CSMD1: variants seen among roughly 807,000 people sequenced by gnomAD.
CSMD1 encodes the protein CUB and Sushi multiple domains 1.
A neutral mutation model predicts 417.5 loss-of-function variants in CSMD1; 213 were observed. The observed-to-expected ratio is 0.51, with a 90% CI of 0.46 to 0.57. The LOEUF (loss-of-function observed/expected upper bound fraction) is 0.57. Among genes scored for constraint, CSMD1 ranks in the 20% least tolerant of loss-of-function variants. CSMD1 has a pLI of 0.00. For missense variants in CSMD1, 6,923 were observed against 4,529.7 expected, an observed-to-expected ratio of 1.53 and a Z score of -15.17; for synonymous variants, 2,862 against 1,736.8, an observed-to-expected ratio of 1.65 and a Z score of -16.11.
chr8:3,379,213 G>T (rs1031777652), intron 18 of CSMD1, among the ~76,000 whole-genome samples: 3 of 152,136 alleles, frequency 2.0e-5, no homozygotes, highest in Admixed American at 2.0e-4. Context: ...TCTCTTCAAG[G>T]AGAACTACAA....
chr8:3,946,249 G>C (rs573472587), intron 5 of CSMD1, among the ~76,000 whole-genome samples: 1 of 152,062 alleles, frequency 6.6e-6, no homozygotes, highest in Non-Finnish European at 1.5e-5. Flanking sequence ...TCTTGATATT[G>C]TAATTTCCAT....
intron 1 of CSMD1, among the ~76,000 whole-genome samples, chr8:4,829,840 C>T (rs1800045454): frequency 6.6e-6 from 1 of 151,956 alleles, no homozygotes; most frequent in South Asian, 2.1e-4. Context: ...ATCGCTTTAC[C>T]TTGGGGACAA....
At chr8:3,976,004 T>G (rs1813409565) in intron 5 of CSMD1, among the ~76,000 whole-genome samples, 1 of 152,264 alleles carries the variant, frequency 6.6e-6, no homozygotes, top group Non-Finnish European at 1.5e-5. Context: ...ATTTAAAATA[T>G]TATGATCCTG....
At chr8:4,825,549 T>C (rs1412731789) in intron 1 of CSMD1, among the ~76,000 whole-genome samples, 2 of 151,638 alleles carry the variant, frequency 1.3e-5, no homozygotes, top group African/African-American at 4.8e-5. Context: ...TCTGCTTATA[T>C]GTGTGTGGCT....
In CSMD1 at chr8:3,349,404, T is replaced by G. The variant is rs184555990; in HGVS notation, c.3305-1243A>C. On this transcript the variant is annotated intron_variant, in intron 21 of 69. Transcript: ENST00000635120. ...ATTGCCCCCCAGTGATTTGTGCACG[T>G]TGAATCTCAGAATGCCTCCATGTGG... Among the ~76,000 whole-genome samples the G allele has an allele frequency of 5.3e-5, 8 of 152,164 alleles. No individual in the cohort carries two copies. The East Asian group carries it at 1.5e-3, about 29-fold the overall frequency.
At chr8:3,515,081 A>C (rs537029953) in intron 10 of CSMD1, among the ~76,000 whole-genome samples, 1 of 152,222 alleles carries the variant, frequency 6.6e-6, no homozygotes, top group Non-Finnish European at 1.5e-5. Context: ...TAATACAGTT[A>C]ATGAACATTT....
intron 27 of CSMD1, among the ~76,000 whole-genome samples, chr8:3,228,755 C>T (rs570594394): frequency 6.6e-6 from 1 of 151,334 alleles, no homozygotes. Context: ...TATTCCTCCA[C>T]GAGCCTAAAA....
intron 3 of CSMD1, among the ~76,000 whole-genome samples, chr8:4,037,046 C>A (rs2740917): frequency 0.35 from 53,410 of 151,522 alleles, 10,056 homozygotes; most frequent in African/African-American, 0.48. Context: ...CCACCTGGCA[C>A]CCGGAGCTGC....
chr8:4,135,342 GAAGGAA>G (rs376507422), intron 3 of CSMD1, among the ~76,000 whole-genome samples: 78,879 of 139,558 alleles, frequency 0.57, 23,293 homozygotes, highest in East Asian at 0.69. Flanking sequence ...GGGAAAGAAG[GAAGGAA>G]GGGAAAGGAG....
chr8:4,230,645 T>G (rs764531140), intron 3 of CSMD1, among the ~76,000 whole-genome samples: 1 of 152,194 alleles, frequency 6.6e-6, no homozygotes, highest in African/African-American at 2.4e-5. Flanking sequence ...GACTACCAAG[T>G]AGCTCATAAT....
At chr8:4,394,837 C>T (rs1164174727) in intron 3 of CSMD1, among the ~76,000 whole-genome samples, 1 of 152,094 alleles carries the variant, frequency 6.6e-6, no homozygotes, top group African/African-American at 2.4e-5. Context: ...TTTCATGGTC[C>T]TTTGTGCTTC....
At chr8:3,432,811 G>A (rs1233586105) in intron 12 of CSMD1, among the ~76,000 whole-genome samples, 2 of 152,276 alleles carry the variant, frequency 1.3e-5, no homozygotes, top group African/African-American at 4.8e-5. Context: ...ACTACACATG[G>A]CCAACATGGG....
chr8:3,982,827 T>A (rs1382390546), intron 5 of CSMD1, among the ~76,000 whole-genome samples: 5 of 152,198 alleles, frequency 3.3e-5, no homozygotes, highest in Non-Finnish European at 4.4e-5. Flanking sequence ...AGCACGATGG[T>A]CACTTTCATC....
intron 3 of CSMD1, among the ~76,000 whole-genome samples, chr8:4,068,407 G>C (rs941670900): frequency 1.3e-5 from 2 of 152,166 alleles, no homozygotes; most frequent in Admixed American, 6.5e-5. Context: ...ACACTGGGGA[G>C]AGACATGAAA....
Position 2,938,502 on chromosome 8 carries a change from G to T in CSMD1, c.*83C>A. 1 of 1,335,652 alleles carries T rather than the reference G, an allele frequency of 7.5e-7. No homozygotes were observed. Among genetic ancestry groups the T allele is most frequent in the Non-Finnish European group, 1.0e-6 (1 of 971,584 alleles). The allele number at this position is 1,335,652 out of a possible 1,614,324, so 82.7% of individuals were successfully genotyped here. The stretch of plus-strand genomic sequence containing the variant: ...GCTGCAGTAAAGCCAGAGTGGAAGG[G>T]AGAGTGGTATATGGCACCAAAGGAA... On this transcript the variant is annotated 3_prime_UTR_variant, in exon 70 of 70. Transcript: ENST00000635120.
At chr8:3,836,877 A>G (rs994362779) in intron 5 of CSMD1, among the ~76,000 whole-genome samples, 8 of 152,292 alleles carry the variant, frequency 5.3e-5, no homozygotes, top group African/African-American at 1.9e-4. Flanking sequence ...TAACTTGACT[A>G]AAGCAGTTCT....
chr8:3,012,053 G>T (rs892622658), intron 52 of CSMD1, among the ~76,000 whole-genome samples: 1 of 152,150 alleles, frequency 6.6e-6, no homozygotes, highest in African/African-American at 2.4e-5. Flanking sequence ...GCAGGTCCTT[G>T]GCAATTTACA....
intron 7 of CSMD1, among the ~76,000 whole-genome samples, chr8:3,651,405 T>G (rs1039936177): frequency 1.5e-4 from 23 of 152,212 alleles, no homozygotes; most frequent in Middle Eastern, 3.4e-3. Flanking sequence ...CCATGGCCCT[T>G]CATGGAGTAC....
At chr8:4,150,667 G>C (rs1477178151) in intron 3 of CSMD1, among the ~76,000 whole-genome samples, 1 of 152,204 alleles carries the variant, frequency 6.6e-6, no homozygotes, top group Non-Finnish European at 1.5e-5. Flanking sequence ...TTAGGGTGCA[G>C]ATAAGGAGTG....
Sources: allele counts gnomAD v4.1 joint callset (sites outside exome capture counted in the v4.1 genomes callset), GRCh38; gene constraint gnomAD v4.1.1; transcripts MANE v1.5; gene names NCBI Gene and HGNC (gene_info 2026-07-23, HGNC 2026-07-21).